The following CNTN5 variants were observed in gnomAD, a reference collection of about 807,000 sequenced individuals.
CNTN5 encodes contactin 5, also known as contactin-5.
A neutral mutation model predicts 129.1 loss-of-function variants in CNTN5; 77 were observed. The observed-to-expected ratio is 0.60, with a 90% CI of 0.50 to 0.72. The LOEUF (loss-of-function observed/expected upper bound fraction) is 0.72. CNTN5 is among the 30% of genes least tolerant of loss of function. The probability of loss-of-function intolerance (pLI) is 0.00; values close to 1 mark genes in which losing one functional copy is unlikely to be tolerated. For synonymous variants in CNTN5, 509 were observed against 465.6 expected (o/e 1.09, Z -1.20); for missense variants, 1,478 against 1,328.8 (o/e 1.11, Z -1.75).
At chr11:99,155,240 A>G (rs955628798) in intron 1 of CNTN5, among the ~76,000 whole-genome samples, 1 of 152,102 alleles carries the variant, frequency 6.6e-6, no homozygotes, top group Admixed American at 6.5e-5. Flanking sequence ...TTTACTTTCA[A>G]TGCCTTCTCT....
intron 8 of CNTN5, among the ~76,000 whole-genome samples, chr11:99,991,167 C>A (rs573191246): frequency 6.6e-6 from 1 of 152,188 alleles, no homozygotes; most frequent in Non-Finnish European, 1.5e-5. Context: ...ACGTAACAGT[C>A]AAAACTCTTC....
chr11:99,513,844 A>G (rs562101402), intron 2 of CNTN5, among the ~76,000 whole-genome samples: 2 of 152,252 alleles, frequency 1.3e-5, no homozygotes, highest in Non-Finnish European at 2.9e-5. Flanking sequence ...TATGCCTGTT[A>G]GCAGAATATC....
At chr11:99,658,864 G>A (rs1229250824) in intron 3 of CNTN5, among the ~76,000 whole-genome samples, 2 of 141,950 alleles carry the variant, frequency 1.4e-5, no homozygotes, top group African/African-American at 5.2e-5. Flanking sequence ...CTCCAGACTG[G>A]GCAACAGGAG....
intron 2 of CNTN5, among the ~76,000 whole-genome samples, chr11:99,461,585 A>T (rs1944699961): frequency 6.6e-6 from 1 of 152,142 alleles, no homozygotes; most frequent in Admixed American, 6.5e-5. Flanking sequence ...TTACTAAGAA[A>T]GCATTGATAT....
intron 1 of CNTN5, among the ~76,000 whole-genome samples, chr11:99,287,437 T>G (rs1025679214): frequency 6.6e-6 from 1 of 152,064 alleles, no homozygotes; most frequent in Non-Finnish European, 1.5e-5. Flanking sequence ...TCTCCTATTA[T>G]TCAAACATCC....
rs1025750616 is a variant in CNTN5 at position 99,432,449 on chromosome 11, T to C, written c.-71+106965T>C. Among the ~76,000 whole-genome samples the C allele has an allele frequency of 4.9e-4, 58 of 118,270 alleles. 1 individual carries two copies. Among genetic ancestry groups the C allele is most frequent in the Admixed American group, 1.3e-3 (13 of 9,794 alleles). The allele number at this position is 118,270 out of a possible 152,430, so 77.6% of individuals were successfully genotyped here. ...CTTTTCCTTTTCTTTCCTTTTCTTT[T>C]CTTTTCTTTTCTTTCCTTTTCTTTT... On this transcript the variant is annotated intron_variant, in intron 2 of 24. Coordinates refer to ENST00000524871, the MANE Select transcript of CNTN5 (RefSeq NM_014361.4).
intron 3 of CNTN5, among the ~76,000 whole-genome samples, chr11:99,733,854 G>A (rs1224137982): frequency 2.0e-5 from 3 of 152,180 alleles, no homozygotes; most frequent in African/African-American, 7.2e-5. Flanking sequence ...TAGCTCCAGA[G>A]ACCAGCCTAC....
At chr11:99,789,662 T>C (rs775315721) in intron 3 of CNTN5, among the ~76,000 whole-genome samples, 6 of 152,046 alleles carry the variant, frequency 3.9e-5, no homozygotes, top group Non-Finnish European at 8.8e-5. Context: ...TTTCACTGTT[T>C]GAAATACTAC....
In CNTN5 at chr11:99,491,521, G is replaced by A. The variant is rs140514649; in HGVS notation, c.-70-64624G>A. On this transcript the variant is annotated intron_variant, in intron 2 of 24. Coordinates refer to ENST00000524871, the MANE Select transcript of CNTN5 (RefSeq NM_014361.4). ...GGAGACACACAAATTTCACAAGGTG[G>A]ATACTGACAGTTAAGGTAGGAGGGA... 3.1e-4 allele frequency among the ~76,000 whole-genome samples: 47 copies of A among 152,196 alleles called. No individual in the cohort carries two copies. In the East Asian group the frequency reaches 8.5e-3, roughly 28 times the overall value.
At chr11:100,071,859 T>C in intron 12 of CNTN5, 25 bp downstream of exon 12, 2 of 1,548,824 alleles carry the variant, frequency 1.3e-6, no homozygotes, top group Non-Finnish European at 1.7e-6. Flanking sequence ...AGTGAATAAA[T>C]TGAAAAAAAA....
intron 9 of CNTN5, among the ~76,000 whole-genome samples, chr11:100,038,764 T>C (rs552997809): frequency 1.3e-5 from 2 of 152,262 alleles, no homozygotes; most frequent in East Asian, 1.9e-4. Flanking sequence ...GTTTAAAGTC[T>C]GTTTTATCAG....
intron 3 of CNTN5, among the ~76,000 whole-genome samples, chr11:99,663,509 G>A (rs371007169): frequency 1.3e-5 from 2 of 152,044 alleles, no homozygotes; most frequent in Non-Finnish European, 2.9e-5. Context: ...AAAAAGACAC[G>A]TTAAATGAAT....
At chr11:99,676,722 A>G (rs1359148225) in intron 3 of CNTN5, among the ~76,000 whole-genome samples, 2 of 152,194 alleles carry the variant, frequency 1.3e-5, no homozygotes, top group African/African-American at 4.8e-5. Context: ...CTTAAAGTAT[A>G]ATTAAAAAAA....
At chr11:99,855,999 G>T (rs986233664) in intron 6 of CNTN5, among the ~76,000 whole-genome samples, 1 of 152,160 alleles carries the variant, frequency 6.6e-6, no homozygotes, top group African/African-American at 2.4e-5. Flanking sequence ...TCTCATGATG[G>T]TTAGGCTAAA....
At chr11:99,793,069 T>A in intron 3 of CNTN5, among the ~76,000 whole-genome samples, 1 of 152,004 alleles carries the variant, frequency 6.6e-6, no homozygotes, top group Non-Finnish European at 1.5e-5. Context: ...TTATTAATTT[T>A]TTTTTTTTTC....
At chr11:99,502,439 G>A (rs74464334) in intron 2 of CNTN5, among the ~76,000 whole-genome samples, 19 of 152,178 alleles carry the variant, frequency 1.2e-4, no homozygotes, top group African/African-American at 4.3e-4. Flanking sequence ...TTTCCTCCAC[G>A]CTGTTCTCAT....
At chr11:99,362,591 C>T (rs899472751) in intron 2 of CNTN5, among the ~76,000 whole-genome samples, 2 of 151,390 alleles carry the variant, frequency 1.3e-5, no homozygotes, top group African/African-American at 2.4e-5. Context: ...ATGTTTTCTT[C>T]TAAGAGTTTT....
Position 100,271,146 on chromosome 11 carries a change from C to A in CNTN5, c.2219C>A (p.Pro740His). Residue 740 changes from proline to histidine, a missense_variant, in exon 18 of 25, where the codon CCC becomes CAC. Pro to His is a moderately conservative substitution (Grantham distance 77). Coordinates refer to ENST00000524871, the MANE Select transcript of CNTN5 (RefSeq NM_014361.4). ...TCAGCCATGGCTGTGGACCTAAATC[C>A]CTGGGTGGAATATGAATTTCGAGTG... Reference protein sequence around the residue: ...MESAMAVDLNPWVEYEFRVVA... With the variant: ...MESAMAVDLNHWVEYEFRVVA... The A allele has an allele frequency of 6.2e-7, 1 of 1,612,982 alleles. No homozygotes were observed. The highest frequency in any genetic ancestry group is 1.3e-5 in the African/African-American group (1 of 74,994).
intron 1 of CNTN5, among the ~76,000 whole-genome samples, chr11:99,150,744 AG>A (rs1383593043): frequency 1.3e-5 from 2 of 152,070 alleles, no homozygotes; most frequent in African/African-American, 4.8e-5. Context: ...TTTAAAGTTA[AG>A]GATAGTGCTT....
Sources: gnomAD v4.1 joint callset for allele counts (sites outside exome capture counted in the v4.1 genomes callset) on GRCh38, gnomAD v4.1.1 for gene constraint, MANE v1.5 for transcripts, NCBI Gene and HGNC (gene_info 2026-07-23, HGNC 2026-07-21) for gene names.